CAMTA1: variants seen among roughly 807,000 people sequenced by gnomAD.
CAMTA1 encodes the protein calmodulin binding transcription activator 1.
CAMTA1 carries 27 observed loss-of-function variants against 170.9 expected under a neutral mutation model. The ratio of observed to expected loss-of-function variants is 0.16; its 90% CI spans 0.12 to 0.22. The LOEUF (loss-of-function observed/expected upper bound fraction) is 0.22. Among genes scored for constraint, CAMTA1 ranks in the 10% least tolerant of loss-of-function variants. The pLI is 1.00. For missense variants in CAMTA1, 1,619 were observed against 2,217.2 expected (o/e 0.73, Z 5.42); for synonymous variants, 833 against 891.5 (o/e 0.93, Z 1.17).
intron 3 of CAMTA1, among the ~76,000 whole-genome samples, chr1:7,032,679 C>T (rs1037907796): frequency 6.6e-6 from 1 of 151,216 alleles, no homozygotes; most frequent in African/African-American, 2.4e-5. Context: ...AGATTTCCAT[C>T]TGCTATTTTT....
chr1:6,851,234 C>A (rs997518530), intron 3 of CAMTA1, among the ~76,000 whole-genome samples: 2 of 152,062 alleles, frequency 1.3e-5, no homozygotes, highest in Non-Finnish European at 2.9e-5. Context: ...CACACCACCC[C>A]CTCCCCAGTA....
chr1:7,759,718 A>G (rs541766753), intron 22 of CAMTA1, among the ~76,000 whole-genome samples: 1 of 152,236 alleles, frequency 6.6e-6, no homozygotes, highest in Non-Finnish European at 1.5e-5. Flanking sequence ...CTAACAGGAT[A>G]TTATTCAGTT....
At chr1:7,188,392 G>A (rs1035148126) in intron 4 of CAMTA1, among the ~76,000 whole-genome samples, 19 of 152,040 alleles carry the variant, frequency 1.2e-4, no homozygotes, top group African/African-American at 2.2e-4. Flanking sequence ...ATTGTTGTTC[G>A]ACCATAACTA....
intron 3 of CAMTA1, among the ~76,000 whole-genome samples, chr1:7,077,631 T>C (rs1190440702): frequency 6.6e-6 from 1 of 152,010 alleles, no homozygotes; most frequent in Non-Finnish European, 1.5e-5. Context: ...GTATCTTGGA[T>C]GTGTTAATTT....
At chr1:7,143,768 T>A (rs1475733170) in intron 4 of CAMTA1, among the ~76,000 whole-genome samples, 3 of 152,248 alleles carry the variant, frequency 2.0e-5, no homozygotes, top group Non-Finnish European at 4.4e-5. Context: ...CTTTTAGGGA[T>A]TCAGATAAAG....
intron 6 of CAMTA1, among the ~76,000 whole-genome samples, chr1:7,625,636 C>T (rs993917104): frequency 6.6e-6 from 1 of 152,268 alleles, no homozygotes; most frequent in African/African-American, 2.4e-5. Flanking sequence ...GCTTGCTCTC[C>T]TCTGCCATTC....
rs1182245721 is a variant in CAMTA1 at position 7,663,926 on chromosome 1, T to G, written c.1379T>G (p.Val460Gly). 1.9e-6 allele frequency: 3 copies of G among 1,613,708 alleles called. No individual in the cohort carries two copies. The African/African-American group carries it at 4.0e-5, about 22-fold the overall frequency. The change falls in exon 9 of 23, where the codon GTG (valine) becomes GGG (glycine). Residue 460 changes from valine to glycine, a missense_variant. Physicochemically the swap from Val to Gly is moderately radical, Grantham distance 109. Coordinates refer to ENST00000303635, the MANE Select transcript of CAMTA1 (RefSeq NM_015215.4). Reference protein sequence around the residue: ...SESLSMLPTNVSEELVLSTTL... With the variant: ...SESLSMLPTNGSEELVLSTTL... Reference sequence around the variant, plus strand: ...AGCCTGTCCATGCTGCCCACCAACGTGTCCGAAGAGCTGGTCCTCTCCACC... The same window carrying G: ...AGCCTGTCCATGCTGCCCACCAACGGGTCCGAAGAGCTGGTCCTCTCCACC...
intron 5 of CAMTA1, among the ~76,000 whole-genome samples, chr1:7,365,872 C>T (rs144346427): frequency 1.1e-4 from 16 of 152,306 alleles, no homozygotes; most frequent in Non-Finnish European, 1.8e-4. Context: ...AGCACTCCTC[C>T]GGGCAGCTCC....
Position 7,664,548 on chromosome 1 carries a change from G to A in CAMTA1, c.2001G>A (p.Glu667=). 6.2e-7 allele frequency: 1 copy of A among 1,613,246 alleles called. No individual in the cohort carries two copies. The highest frequency in any genetic ancestry group is 8.5e-7 in the Non-Finnish European group (1 of 1,180,054). Residue 667 remains glutamate (E), a synonymous_variant, in exon 9 of 23, where the codon GAG becomes GAA. Transcript: ENST00000303635. ...GCGGTCACGTGGAGACGCGGATCGA[G>A]TCCACTTCCTCCCTCCACCTCATGC... The part of the protein sequence containing the change: ...SCSGHVETRI[E]STSSLHLMQF...
intron 3 of CAMTA1, among the ~76,000 whole-genome samples, chr1:7,089,379 T>C (rs951238889): frequency 2.0e-5 from 3 of 152,202 alleles, no homozygotes; most frequent in African/African-American, 4.8e-5. Context: ...TACAGTGACA[T>C]AGAGTTAATT....
At chr1:7,068,649 T>C (rs914697373) in intron 3 of CAMTA1, among the ~76,000 whole-genome samples, 12 of 152,166 alleles carry the variant, frequency 7.9e-5, no homozygotes, top group South Asian at 6.2e-4. Flanking sequence ...AGGCACTTTA[T>C]TGGGATTCAG....
intron 7 of CAMTA1, among the ~76,000 whole-genome samples, chr1:7,647,668 A>G (rs2095818204): frequency 6.6e-6 from 1 of 152,190 alleles, no homozygotes; most frequent in Non-Finnish European, 1.5e-5. Context: ...TTTCCTCTCC[A>G]GCTCAGTCGA....
chr1:7,306,803 C>T (rs886965545), intron 5 of CAMTA1, among the ~76,000 whole-genome samples: 5 of 151,708 alleles, frequency 3.3e-5, no homozygotes, highest in African/African-American at 9.7e-5. Flanking sequence ...TCAGATTCTA[C>T]GTTGGTGGAT....
chr1:7,582,369 C>A (rs114222243), intron 6 of CAMTA1, among the ~76,000 whole-genome samples: 217 of 152,316 alleles, frequency 1.4e-3, no homozygotes, highest in African/African-American at 4.1e-3. Context: ...TCACCCACCC[C>A]CTACCCTGCA....
At chr1:6,904,552 C>CTTT (rs1196529275) in intron 3 of CAMTA1, among the ~76,000 whole-genome samples, 4 of 140,600 alleles carry the variant, frequency 2.8e-5, no homozygotes, top group Non-Finnish European at 6.2e-5. Context: ...TTCTTTCTTT[C>CTTT]TTTTTTTTTT....
intron 4 of CAMTA1, among the ~76,000 whole-genome samples, chr1:7,213,207 G>A (rs1163159407): frequency 6.6e-6 from 1 of 152,178 alleles, no homozygotes; most frequent in African/African-American, 2.4e-5. Flanking sequence ...CAAAGTAGCC[G>A]TGCTTTATTT....
chr1:7,129,791 C>T (rs1645140533), intron 4 of CAMTA1, among the ~76,000 whole-genome samples: 1 of 152,142 alleles, frequency 6.6e-6, no homozygotes, highest in East Asian at 1.9e-4. Context: ...GTAACTCATC[C>T]CTTCTGTCCC....
chr1:7,483,681 A>C (rs1187853350), intron 6 of CAMTA1, among the ~76,000 whole-genome samples: 1 of 152,180 alleles, frequency 6.6e-6, no homozygotes, highest in African/African-American at 2.4e-5. Context: ...AGGACAGGGC[A>C]GTAGCCCAGG....
intron 7 of CAMTA1, among the ~76,000 whole-genome samples, chr1:7,646,325 G>A (rs1318894858): frequency 6.7e-6 from 1 of 149,668 alleles, no homozygotes; most frequent in Non-Finnish European, 1.5e-5. Flanking sequence ...GGTGAGTTGG[G>A]TGGAGGCCAC....
Sources: allele counts gnomAD v4.1 joint callset (sites outside exome capture counted in the v4.1 genomes callset), GRCh38; gene constraint gnomAD v4.1.1; transcripts MANE v1.5; gene names NCBI Gene and HGNC (gene_info 2026-07-23, HGNC 2026-07-21).